SSH2: variants seen among roughly 807,000 people sequenced by gnomAD.
SSH2 encodes protein phosphatase Slingshot homolog 2.
SSH2 carries 37 observed loss-of-function variants against 135.2 expected under a neutral mutation model. The ratio of observed to expected loss-of-function variants is 0.27; its 90% confidence interval spans 0.21 to 0.36. SSH2 has a LOEUF of 0.36. Among genes scored for constraint, SSH2 ranks in the 10% least tolerant of loss-of-function variants. The probability of loss-of-function intolerance (pLI) is 1.00; values close to 1 mark genes in which losing one functional copy is unlikely to be tolerated. For missense variants in SSH2, 1,408 were observed against 1,765.3 expected (o/e 0.80, Z 3.63); for synonymous variants, 628 against 646.2 (o/e 0.97, Z 0.43).
At position 29,631,799 on chromosome 17, in the gene SSH2, C is replaced by T; in HGVS notation, c.3395G>A (p.Ser1132Asn). The T allele has an allele frequency of 1.2e-6, 2 of 1,614,214 alleles. No individual in the cohort carries two copies. The change falls in exon 16 of 16, where the codon AGC (serine) becomes AAC (asparagine). Residue 1132 changes from serine (S) to asparagine (N), a missense_variant. Physicochemically the swap from Ser to Asn is conservative, Grantham distance 46. This residue lies in a region of SSH2 where 1,080 missense variants were observed against 1,144.5 expected (regional missense o/e 0.94). Coordinates refer to ENST00000540801, the MANE Select transcript of SSH2 (RefSeq NM_001282129.2). ...TGTCTCCAGGGCTGTGGACAGGCTG[C>T]TGCCTCTGTCTTCAGGGCTACTCAG... is the stretch of plus-strand genomic sequence containing the variant. Reference protein sequence around the residue: ...SILSSPEDRGSSLSTALETAA... With the variant: ...SILSSPEDRGNSLSTALETAA...
In SSH2 at chr17:29,914,540, C is replaced by CAG. The variant is rs950210822; in HGVS notation, c.63+15396_63+15397dup. The stretch of plus-strand genomic sequence containing the variant: ...TACCACTGCACTCCAGCCTGGGTGA[C>CAG]AGAGAGAGACCCTGTCTGAAAAAAA... On this transcript the variant is annotated intron_variant, in intron 1 of 15. Coordinates refer to ENST00000540801, the MANE Select transcript of SSH2 (RefSeq NM_001282129.2). 2.9e-5 allele frequency among the ~76,000 whole-genome samples: 4 copies of CAG among 139,592 alleles called. No homozygotes were observed. The Admixed American group carries it at 3.0e-4, about 10-fold the overall frequency. 91.6% of individuals were successfully genotyped at this position (139,592 alleles called of 152,430 possible).
At chr17:29,803,848 T>C (rs1006140120) in intron 2 of SSH2, among the ~76,000 whole-genome samples, 4 of 152,062 alleles carry the variant, frequency 2.6e-5, no homozygotes, top group Admixed American at 6.5e-5. Context: ...TTTTTACAGG[T>C]TAATGTCTAT....
At chr17:29,737,932 TTTA>T (rs2040424369) in intron 3 of SSH2, among the ~76,000 whole-genome samples, 1 of 151,908 alleles carries the variant, frequency 6.6e-6, no homozygotes, top group Admixed American at 6.6e-5. Flanking sequence ...TATTTATTTA[TTTA>T]TTTATTTATA....
intron 11 of SSH2, 132 bp from the exon 12 acceptor site, chr17:29,655,739 C>A (rs1450742764): frequency 2.8e-6 from 2 of 721,876 alleles, no homozygotes; most frequent in Admixed American, 2.2e-5. Flanking sequence ...AGTTGCCAGG[C>A]ACTTCATATG....
At chr17:29,893,728 G>A (rs1029107822) in intron 1 of SSH2, among the ~76,000 whole-genome samples, 1 of 152,110 alleles carries the variant, frequency 6.6e-6, no homozygotes, top group African/African-American at 2.4e-5. Flanking sequence ...TTAAAGTTAA[G>A]TATTTTTCTT....
chr17:29,739,232 G>A lies in SSH2; in HGVS notation c.189-36170C>T, dbSNP rs575466910. Among the ~76,000 whole-genome samples, 7 of 152,254 alleles carry A rather than the reference G, an allele frequency of 4.6e-5. No individual in the cohort carries two copies. In the South Asian group the frequency reaches 8.3e-4, roughly 18 times the overall value. ...ACGACATAAATAAGTAGCAGAGTTC[G>A]AACCGAATCCACTATCTATTTAACT... On this transcript the variant is annotated intron_variant, in intron 3 of 15. Transcript: ENST00000540801.
intron 1 of SSH2, among the ~76,000 whole-genome samples, chr17:29,913,317 C>CAAAAAAAAA (rs1207663146): frequency 5.8e-4 from 2 of 3,428 alleles, no homozygotes; most frequent in African/African-American, 7.4e-4. Flanking sequence ...GACGCCATCT[C>CAAAAAAAAA]AAAAAAAAAA....
intron 3 of SSH2, among the ~76,000 whole-genome samples, chr17:29,720,941 G>A (rs1363202981): frequency 6.6e-6 from 1 of 152,118 alleles, no homozygotes; most frequent in Non-Finnish European, 1.5e-5. Context: ...AATCACTACA[G>A]AATTGTAACA....
At chr17:29,767,172 A>T (rs1035712879) in intron 3 of SSH2, among the ~76,000 whole-genome samples, 11 of 152,290 alleles carry the variant, frequency 7.2e-5, no homozygotes, top group Admixed American at 2.6e-4. Flanking sequence ...TCTCTAAGGC[A>T]TTCATCCCCC....
intron 2 of SSH2, among the ~76,000 whole-genome samples, chr17:29,795,313 A>G (rs938231851): frequency 2.0e-5 from 3 of 152,250 alleles, no homozygotes; most frequent in African/African-American, 4.8e-5. Context: ...AACTACTACA[A>G]AAATATCCTA....
At chr17:29,867,848 T>G (rs1413859077) in intron 1 of SSH2, among the ~76,000 whole-genome samples, 1 of 152,194 alleles carries the variant, frequency 6.6e-6, no homozygotes, top group African/African-American at 2.4e-5. Context: ...GCTCTAGTAT[T>G]AGAAGAGGAA....
chr17:29,790,500 G>C (rs1175058324), intron 3 of SSH2, among the ~76,000 whole-genome samples: 3 of 151,944 alleles, frequency 2.0e-5, no homozygotes, highest in Admixed American at 6.6e-5. Context: ...GACTGACTAG[G>C]GTTTTGTTTT....
chr17:29,845,070 T>C (rs1358463773), intron 2 of SSH2, among the ~76,000 whole-genome samples: 6 of 152,214 alleles, frequency 3.9e-5, no homozygotes, highest in Non-Finnish European at 2.9e-5. Flanking sequence ...CAATCAATAC[T>C]TGGTGAATGA....
At chr17:29,656,366 C>A (rs1392592464) in intron 11 of SSH2, among the ~76,000 whole-genome samples, 1 of 152,056 alleles carries the variant, frequency 6.6e-6, no homozygotes, top group Non-Finnish European at 1.5e-5. Context: ...TTAGTAGAGG[C>A]AGGGTTTCAC....
intron 1 of SSH2, among the ~76,000 whole-genome samples, chr17:29,868,927 A>G (rs920855567): frequency 2.6e-5 from 4 of 152,178 alleles, no homozygotes; most frequent in Non-Finnish European, 5.9e-5. Context: ...GAATGCTAAT[A>G]GAGGTAGCTC....
At chr17:29,910,480 C>A (rs1314811633) in intron 1 of SSH2, among the ~76,000 whole-genome samples, 1 of 152,146 alleles carries the variant, frequency 6.6e-6, no homozygotes, top group Admixed American at 6.5e-5. Context: ...CCCAAAATAA[C>A]AAATACACAT....
chr17:29,869,777 A>G (rs1278027398), intron 1 of SSH2, among the ~76,000 whole-genome samples: 1 of 152,188 alleles, frequency 6.6e-6, no homozygotes, highest in Admixed American at 6.5e-5. Context: ...CATAAACCAT[A>G]TGAAGTGCAG....
intron 8 of SSH2, chr17:29,673,848 A>G (rs2037596978): frequency 6.5e-6 from 2 of 310,070 alleles, no homozygotes; most frequent in African/African-American, 4.3e-5. Flanking sequence ...ATATTTTTCA[A>G]CTGGATCATT....
chr17:29,781,473 CTTTTTTT>C (rs541361010), intron 3 of SSH2, among the ~76,000 whole-genome samples: 60 of 81,842 alleles, frequency 7.3e-4, no homozygotes, highest in East Asian at 6.2e-3. Flanking sequence ...CCTGTGTTTT[CTTTTTTT>C]TTTTTTTTTT....
Sources: gnomAD v4.1 joint callset for allele counts (sites outside exome capture counted in the v4.1 genomes callset) on GRCh38, gnomAD v4.1.1 for gene constraint, gnomAD v4.1.1 regional missense constraint, MANE v1.5 for transcripts, NCBI Gene and HGNC (gene_info 2026-07-23, HGNC 2026-07-21) for gene names.